The following ADARB1 variants were observed in gnomAD, a reference collection of about 807,000 sequenced individuals.
ADARB1 encodes adenosine deaminase RNA specific B1.
In ADARB1, 10 loss-of-function variants were observed where a neutral mutation model predicts 52.4. The observed-to-expected ratio is 0.19, with a 90% confidence interval of 0.12 to 0.32. The LOEUF is 0.32. ADARB1 is among the 10% of genes least tolerant of loss of function. The pLI is 1.00. For synonymous variants in ADARB1, 349 were observed against 371.1 expected, an observed-to-expected ratio of 0.94 and a Z score of 0.68; for missense variants, 643 against 922.3, an observed-to-expected ratio of 0.70 and a Z score of 3.92.
At chr21:45,152,208 T>C (rs973188815) in intron 2 of ADARB1, among the ~76,000 whole-genome samples, 1 of 152,242 alleles carries the variant, frequency 6.6e-6, no homozygotes, top group Non-Finnish European at 1.5e-5. Flanking sequence ...TTCTAAACTG[T>C]ACTCTTTTAT....
intron 2 of ADARB1, among the ~76,000 whole-genome samples, chr21:45,164,359 CG>C (rs2091145840): frequency 6.6e-6 from 1 of 151,910 alleles, no homozygotes; most frequent in Non-Finnish European, 1.5e-5. Context: ...AAGGAAAAGG[CG>C]GGGGTGGAGG....
At chr21:45,106,121 C>T (rs1298711110) in intron 1 of ADARB1, among the ~76,000 whole-genome samples, 1 of 149,718 alleles carries the variant, frequency 6.7e-6, no homozygotes, top group Admixed American at 6.7e-5. Flanking sequence ...GTTTTCTCAT[C>T]CACAGCAGTA....
At chr21:45,119,550 G>T (rs2088033910) in intron 1 of ADARB1, among the ~76,000 whole-genome samples, 1 of 152,196 alleles carries the variant, frequency 6.6e-6, no homozygotes, top group Admixed American at 6.5e-5. Flanking sequence ...TATGAGACGT[G>T]TTGTTCTTTA....
In ADARB1 at chr21:45,224,851, C is replaced by T. The variant is rs1158720954; in HGVS notation, c.*2654C>T. ...ACAGAACGCTGACTCCTCCGTGAGACAGATCGGGGACCTTAGCACTTTAAT... is the reference window on the plus strand; with the variant it reads ...ACAGAACGCTGACTCCTCCGTGAGATAGATCGGGGACCTTAGCACTTTAAT... On this transcript the variant is annotated 3_prime_UTR_variant, in exon 11 of 11. Coordinates refer to ENST00000348831, the MANE Select transcript of ADARB1 (RefSeq NM_001112.4). The T allele has an allele frequency of 1.0e-6, 1 of 985,730 alleles. No homozygotes were observed. Among genetic ancestry groups the T allele is most frequent in the African/African-American group, 1.8e-5 (1 of 57,130 alleles). The allele number at this position is 985,730 out of a possible 1,614,324, so 61.1% of individuals were successfully genotyped here.
intron 1 of ADARB1, among the ~76,000 whole-genome samples, chr21:45,086,785 C>T (rs1269061674): frequency 2.0e-5 from 3 of 152,216 alleles, no homozygotes; most frequent in African/African-American, 7.2e-5. Flanking sequence ...GCAAGCATGT[C>T]TGCGTGTGGA....
rs554012936 is a variant in ADARB1, at chr21:45,142,011, G to T, written c.-48+13438G>T. ...TCACTCATGGTCAGCTTAGCTGTTT[G>T]TGGGTCACTTAGCCACCCCTGGGCC... On this transcript the variant is annotated intron_variant, in intron 2 of 10. Transcript: ENST00000348831. This position sits in a 1 kb window ranked among gnomAD's most constrained non-coding sequence, Gnocchi z 4.0. Among the ~76,000 whole-genome samples the T allele has an allele frequency of 6.7e-6, 1 of 149,870 alleles. No individual in the cohort carries two copies. Among genetic ancestry groups the T allele is most frequent in the Non-Finnish European group, 1.5e-5 (1 of 67,324 alleles).
At chr21:45,181,862 G>T (rs1026172668) in intron 5 of ADARB1, among the ~76,000 whole-genome samples, 2 of 152,218 alleles carry the variant, frequency 1.3e-5, no homozygotes, top group African/African-American at 2.4e-5. Flanking sequence ...GAGCCTCAGA[G>T]GACATCGTGG....
rs537900797 is a variant in ADARB1, at chr21:45,220,675, C to T, written c.1748-161C>T. 5.3e-5 allele frequency among the ~76,000 whole-genome samples: 8 copies of T among 152,330 alleles called. No individual in the cohort carries two copies. Among genetic ancestry groups the T allele is most frequent in the East Asian group, 3.9e-4 (2 of 5,188 alleles). ...GTGGAAGAGTGTGAGGCCACTGCCA[C>T]GGCAGATGCACGCTCAAGTCTGCGT... On this transcript the variant is annotated intron_variant, in intron 9 of 10. Coordinates refer to ENST00000348831, the MANE Select transcript of ADARB1 (RefSeq NM_001112.4). The surrounding 1 kb of genome is among the most constrained non-coding windows in gnomAD (Gnocchi z 6.3).
At chr21:45,154,353 A>G (rs1601633240) in intron 2 of ADARB1, among the ~76,000 whole-genome samples, 1 of 152,210 alleles carries the variant, frequency 6.6e-6, no homozygotes, top group East Asian at 1.9e-4. Context: ...AATAAGCATT[A>G]TCTTTGAAAC....
At chr21:45,206,595 A>G (rs1463484717) in intron 9 of ADARB1, among the ~76,000 whole-genome samples, 1 of 104,674 alleles carries the variant, frequency 9.6e-6, no homozygotes, top group Non-Finnish European at 1.8e-5. Flanking sequence ...TTTTTTTGAG[A>G]CAGAGTCTTG....
rs994695446 is a variant in ADARB1 at position 45,200,534 on chromosome 21, C to G, written c.1566-4021C>G. On this transcript the variant is annotated intron_variant, in intron 8 of 10. Coordinates refer to ENST00000348831, the MANE Select transcript of ADARB1 (RefSeq NM_001112.4). This position sits in a 1 kb window ranked among gnomAD's most constrained non-coding sequence, Gnocchi z 5.0. ...CGGCTATGGCAAGGGGGCCAGAGCA[C>G]TGTGTTGGGCAGACTCAAAGGCACG... Among the ~76,000 whole-genome samples, 7 of 152,076 alleles carry G rather than the reference C, an allele frequency of 4.6e-5. No individual in the cohort carries two copies. The highest frequency in any genetic ancestry group is 1.7e-4 in the African/African-American group (7 of 41,394).
intron 8 of ADARB1, among the ~76,000 whole-genome samples, chr21:45,194,591 C>T (rs1309738882): frequency 6.6e-6 from 1 of 151,532 alleles, no homozygotes. Context: ...CCTGTTCACC[C>T]CTCTCACCTC....
chr21:45,126,612 C>A, intron 1 of ADARB1, among the ~76,000 whole-genome samples: 1 of 152,306 alleles, frequency 6.6e-6, no homozygotes, highest in South Asian at 2.1e-4. Flanking sequence ...AGTCACTGTT[C>A]AAGTCACACG....
chr21:45,099,247 CTGT>C (rs2086895637), intron 1 of ADARB1, among the ~76,000 whole-genome samples: 2 of 152,254 alleles, frequency 1.3e-5, no homozygotes, highest in African/African-American at 4.8e-5. Context: ...CTGTAATTTC[CTGT>C]GGGAGAGCAG....
In ADARB1 at chr21:45,221,702, CGTG is replaced by C. The variant is rs2092967514; in HGVS notation, c.1927-312_1927-310del. Among the ~76,000 whole-genome samples the C allele has an allele frequency of 6.6e-6, 1 of 152,150 alleles. No homozygotes were observed. The highest frequency in any genetic ancestry group is 2.4e-5 in the African/African-American group (1 of 41,440). On this transcript the variant is annotated intron_variant, in intron 10 of 10. Transcript: ENST00000348831. This position sits in a 1 kb window ranked among gnomAD's most constrained non-coding sequence, Gnocchi z 4.9. ...TCAGGGTGATGACACACATAACATC[CGTG>C]GTGCTTCTTAGAGTTAAAAATGAAA...
intron 2 of ADARB1, among the ~76,000 whole-genome samples, chr21:45,171,399 C>T (rs140746401): frequency 7.9e-5 from 12 of 152,304 alleles, no homozygotes; most frequent in Non-Finnish European, 1.2e-4. Flanking sequence ...CTGGAATCCA[C>T]GCGAGAAGTC....
intron 9 of ADARB1, among the ~76,000 whole-genome samples, chr21:45,209,748 T>G (rs1386141560): frequency 6.6e-6 from 1 of 152,214 alleles, no homozygotes; most frequent in Admixed American, 6.5e-5. Context: ...TTAGTTTGTT[T>G]GAGTTTCTTT....
At position 45,220,707 on chromosome 21, in the gene ADARB1, C is replaced by T; in HGVS notation, c.1748-129C>T. The T allele has an allele frequency of 2.0e-6, 2 of 982,722 alleles. No individual in the cohort carries two copies. The highest frequency in any genetic ancestry group is 1.5e-5 in the South Asian group (1 of 65,548). 60.9% of individuals were successfully genotyped at this position (982,722 alleles called of 1,614,324 possible). A position where few individuals can be genotyped will look rare whatever the true frequency, so the allele number is the denominator to read the frequency against. On this transcript the variant is annotated intron_variant, in intron 9 of 10. Transcript: ENST00000348831. This position sits in a 1 kb window ranked among gnomAD's most constrained non-coding sequence, Gnocchi z 6.3. ...TGCACGCTCAAGTCTGCGTATATTC[C>T]TCGGCAGGCAGAATTCCCCCACCAC...
At chr21:45,095,012 G>A (rs971366938) in intron 1 of ADARB1, among the ~76,000 whole-genome samples, 2 of 152,186 alleles carry the variant, frequency 1.3e-5, no homozygotes, top group Non-Finnish European at 2.9e-5. Context: ...AGTCTGTTCT[G>A]TTCAAGTTTT....
Sources: gnomAD v4.1 joint callset for allele counts (sites outside exome capture counted in the v4.1 genomes callset) on GRCh38, gnomAD v4.1.1 for gene constraint, Gnocchi (gnomAD v3.1) non-coding constraint, MANE v1.5 for transcripts, NCBI Gene and HGNC (gene_info 2026-07-23, HGNC 2026-07-21) for gene names.